Variants in FEZ2 observed in about 807,000 individuals in gnomAD.
The protein encoded by FEZ2 is fasciculation and elongation protein zeta-2.
A neutral mutation model predicts 40.4 loss-of-function variants in FEZ2; 51 were observed. The ratio of observed to expected loss-of-function variants is 1.26; its 90% CI spans 1.01 to 1.59. The LOEUF is 1.59. Ranked by LOEUF, FEZ2 falls within the 40% of genes most tolerant of loss-of-function variation. FEZ2 has a pLI of 0.00. For missense variants in FEZ2, 640 were observed against 438.3 expected (o/e 1.46, Z -4.11); for synonymous variants, 242 against 172.0 (o/e 1.41, Z -3.18).
At chr2:36,577,216 T>C (rs916213938) in intron 5 of FEZ2, among the ~76,000 whole-genome samples, 1 of 152,110 alleles carries the variant, frequency 6.6e-6, no homozygotes, top group Non-Finnish European at 1.5e-5. Flanking sequence ...TTAAAAATAA[T>C]AGATACCTGA....
At chr2:36,566,602 G>A (rs1040157700) in intron 5 of FEZ2, among the ~76,000 whole-genome samples, 12 of 152,202 alleles carry the variant, frequency 7.9e-5, no homozygotes, top group Non-Finnish European at 1.5e-4. Flanking sequence ...ACGCTACAGC[G>A]ATCATTACCA....
At chr2:36,577,083 A>G (rs769287310) in intron 5 of FEZ2, among the ~76,000 whole-genome samples, 1 of 152,204 alleles carries the variant, frequency 6.6e-6, no homozygotes, top group Non-Finnish European at 1.5e-5. Flanking sequence ...AGTGTCCCTA[A>G]TATTTTAAAG....
intron 5 of FEZ2, among the ~76,000 whole-genome samples, chr2:36,570,425 A>T (rs1002540773): frequency 6.6e-6 from 1 of 152,174 alleles, no homozygotes; most frequent in Non-Finnish European, 1.5e-5. Flanking sequence ...ATGTAACTTA[A>T]TATTAATGTG....
chr2:36,568,113 G>A (rs1558446179), intron 5 of FEZ2, among the ~76,000 whole-genome samples: 1 of 152,108 alleles, frequency 6.6e-6, no homozygotes, highest in Non-Finnish European at 1.5e-5. Flanking sequence ...AACTGGGCCA[G>A]AGGGAAGATT....
chr2:36,578,039 A>T (rs561246918), intron 5 of FEZ2, among the ~76,000 whole-genome samples: 19 of 152,366 alleles, frequency 1.2e-4, no homozygotes, highest in African/African-American at 4.3e-4. Context: ...TGTTTTCACC[A>T]GTCAGAAATA....
At chr2:36,578,570 C>A in intron 5 of FEZ2, 27 bp downstream of exon 5, 1 of 1,594,300 alleles carries the variant, frequency 6.3e-7, no homozygotes. Flanking sequence ...TTCCAGTGTT[C>A]GACGCCTCCT....
At chr2:36,554,311 CTG>C in intron 7 of FEZ2, 1 of 471,140 alleles carries the variant, frequency 2.1e-6, no homozygotes. Context: ...CCAGAGGACT[CTG>C]TTCTTTGGGT....
At chr2:36,579,054 T>C in intron 4 of FEZ2, 189 bp from the exon 5 acceptor site, 2 of 582,178 alleles carry the variant, frequency 3.4e-6, no homozygotes, top group Admixed American at 3.3e-5. Flanking sequence ...GGAGATCAGA[T>C]CTGAGTAGAG....
chr2:36,570,774 C>G (rs1668385659), intron 5 of FEZ2, among the ~76,000 whole-genome samples: 5 of 152,134 alleles, frequency 3.3e-5, no homozygotes, highest in African/African-American at 1.2e-4. Context: ...ATTTGTGTAT[C>G]TAAATATAGA....
rs1045740883 is a variant in FEZ2, at chr2:36,578,626, T to C, written c.874A>G (p.Lys292Glu). 5.6e-6 allele frequency: 9 copies of C among 1,613,000 alleles called. No individual in the cohort carries two copies. Among genetic ancestry groups the C allele is most frequent in the Non-Finnish European group, 6.8e-6 (8 of 1,179,714 alleles). Residue 292 changes from lysine (K) to glutamate (E), a missense_variant, in exon 5 of 8, where the codon AAG (lysine) becomes GAG (glutamate). Lys to Glu is a moderately conservative substitution (Grantham distance 56, BLOSUM62 1). Transcript: ENST00000405912. ...CCGGGCATATGACTTCTCTCATTCT[T>C]CCCATTCTGAGAGCTGCCATTTTTT... is the stretch of plus-strand genomic sequence containing the variant. Reference protein sequence around the residue: ...KLKNGSSQNGKNERSHMPGTY... With the variant: ...KLKNGSSQNGENERSHMPGTY...
At chr2:36,591,822 C>T (rs576099500) in intron 1 of FEZ2, among the ~76,000 whole-genome samples, 10 of 152,258 alleles carry the variant, frequency 6.6e-5, no homozygotes, top group African/African-American at 2.4e-4. Flanking sequence ...GCCCCTTAAC[C>T]TCCCTAGGTA....
At position 36,578,649 on chromosome 2, in the gene FEZ2, T is replaced by G; in HGVS notation, c.851A>C (p.Lys284Thr). Residue 284 changes from lysine to threonine, a missense_variant, in exon 5 of 8, where the codon AAA (lysine) becomes ACA (threonine). Coordinates refer to ENST00000405912, the MANE Select transcript of FEZ2 (RefSeq NM_005102.3). The stretch of plus-strand genomic sequence containing the variant: ...CTTCCCATTCTGAGAGCTGCCATTT[T>G]TTAGTTTCTTTTTCTTTTTTGCTGT... Reference protein sequence around the residue: ...KETAKKKKKLKNGSSQNGKNE... With the variant: ...KETAKKKKKLTNGSSQNGKNE... 1 of 1,613,652 alleles carries G rather than the reference T, an allele frequency of 6.2e-7. No homozygotes were observed. Among genetic ancestry groups the G allele is most frequent in the African/African-American group, 1.3e-5 (1 of 74,960 alleles).
chr2:36,597,829 G>A (rs968422815), intron 1 of FEZ2, 48 bp downstream of exon 1: 8 of 1,289,832 alleles, frequency 6.2e-6, no homozygotes, highest in Middle Eastern at 5.8e-4. Flanking sequence ...GGTCGGGCGA[G>A]GGGTAGGGGA....
chr2:36,560,407 A>T (rs78661342), intron 5 of FEZ2, among the ~76,000 whole-genome samples: 2,125 of 152,288 alleles, frequency 0.014, 51 homozygotes, highest in African/African-American at 0.049. Context: ...TCCCCCAAAA[A>T]TGACATCTTG....
chr2:36,575,692 A>G (rs1254118839), intron 5 of FEZ2, among the ~76,000 whole-genome samples: 1 of 152,202 alleles, frequency 6.6e-6, no homozygotes, highest in African/African-American at 2.4e-5. Context: ...CCAATGCTCT[A>G]AATAGCATCC....
At position 36,597,946 on chromosome 2, in the gene FEZ2, T is replaced by C; in HGVS notation, c.197A>G (p.Asp66Gly). ...EKLSLCFRPS[D>G]PGAEPPRTAV... is the part of the protein sequence containing the mutation. ...CGTCCTCGGGGGCTCGGCGCCCGGA[T>C]CCGAGGGGCGGAAGCACAGGCTCAG... The change falls in exon 1 of 8, where the codon GAT becomes GGT. Residue 66 changes from aspartate to glycine, a missense_variant. Asp to Gly is a moderately conservative substitution (Grantham distance 94, BLOSUM62 -1). Coordinates refer to ENST00000405912, the MANE Select transcript of FEZ2 (RefSeq NM_005102.3). 1 of 1,456,880 alleles carries C rather than the reference T, an allele frequency of 6.9e-7. No homozygotes were observed. The highest frequency in any genetic ancestry group is 2.5e-5 in the Admixed American group (1 of 39,650). The allele number at this position is 1,456,880 out of a possible 1,614,324, so 90.2% of individuals were successfully genotyped here. A position where few individuals can be genotyped will look rare whatever the true frequency, so the allele number is the denominator to read the frequency against.
At chr2:36,555,183 A>C (rs1667924537) in intron 7 of FEZ2, 2 of 152,586 alleles carry the variant, frequency 1.3e-5, no homozygotes, top group African/African-American at 2.4e-5. Context: ...TCCTGGGTTT[A>C]TGCAAGTCCA....
intron 2 of FEZ2, among the ~76,000 whole-genome samples, chr2:36,585,238 C>T (rs1181151411): frequency 6.6e-6 from 1 of 152,132 alleles, no homozygotes; most frequent in African/African-American, 2.4e-5. Flanking sequence ...CTATATCCAG[C>T]TAAAACAAGT....
At chr2:36,581,182 A>T in intron 4 of FEZ2, 108 bp downstream of exon 4, 2 of 1,084,874 alleles carry the variant, frequency 1.8e-6, no homozygotes, top group South Asian at 1.6e-5. Flanking sequence ...TTTGGACACA[A>T]ACACAAACAG....
Sources: allele counts gnomAD v4.1 joint callset (sites outside exome capture counted in the v4.1 genomes callset), GRCh38; gene constraint gnomAD v4.1.1; transcripts MANE v1.5; gene names NCBI Gene and HGNC (gene_info 2026-07-23, HGNC 2026-07-21).